The following AAMDC variants were observed in gnomAD, a reference collection of about 807,000 sequenced individuals.
AAMDC encodes the protein adipogenesis associated Mth938 domain containing.
A neutral mutation model predicts 15.5 loss-of-function variants in AAMDC; 16 were observed. The ratio of observed to expected loss-of-function variants is 1.03; its 90% CI spans 0.70 to 1.57. The LOEUF (loss-of-function observed/expected upper bound fraction) is 1.57, where lower values mean the gene tolerates loss of function less well. AAMDC is among the 40% of genes most tolerant of loss of function. The probability of loss-of-function intolerance (pLI) is 0.00; values close to 1 mark genes in which losing one functional copy is unlikely to be tolerated. For missense variants in AAMDC, 141 were observed against 144.9 expected, an observed-to-expected ratio of 0.97 and a Z score of 0.14; for synonymous variants, 51 against 51.6, an observed-to-expected ratio of 0.99 and a Z score of 0.05.
downstream of AAMDC, among the ~76,000 whole-genome samples, chr11:77,873,777 T>C (rs1168727667): frequency 6.6e-6 from 1 of 152,212 alleles, no homozygotes; most frequent in African/African-American, 2.4e-5. Context: ...AAGCTGAGTC[T>C]TAAAAAATGG....
chr11:77,866,752 AT>A (rs1157615115), intron 2 of AAMDC: 3 of 152,212 alleles, frequency 2.0e-5, no homozygotes, highest in Admixed American at 6.5e-5. Flanking sequence ...ATTAAAAAAA[AT>A]AAAACTGCAC....
Position 77,868,132 on chromosome 11 carries a change from T to C in AAMDC, c.133-1590T>C, listed in dbSNP as rs113402217. 1.8e-3 allele frequency among the ~76,000 whole-genome samples: 266 copies of C among 149,544 alleles called. 2 individuals are homozygous for C. Among genetic ancestry groups the C allele is most frequent in the Middle Eastern group, 6.9e-3 (2 of 290 alleles). ...GTGCAGTGGCACAATCTTGGCTCAC[T>C]GCAAGCTCTGCCTCCCAGGTTCACG... On this transcript the variant is annotated intron_variant, in intron 2 of 3. Coordinates refer to ENST00000393427, the MANE Select transcript of AAMDC (RefSeq NM_024684.4).
chr11:77,850,016 A>C (rs1343793969), intron 2 of AAMDC, among the ~76,000 whole-genome samples: 1 of 152,242 alleles, frequency 6.6e-6, no homozygotes, highest in Non-Finnish European at 1.5e-5. Flanking sequence ...GGTTAGCAAG[A>C]ACTATGCATT....
chr11:77,836,383 G>A (rs1319379942), intron 1 of AAMDC, among the ~76,000 whole-genome samples: 1 of 152,034 alleles, frequency 6.6e-6, no homozygotes, highest in Non-Finnish European at 1.5e-5. Flanking sequence ...AAGAGAAAGA[G>A]ATAGCAGGTG....
At chr11:77,899,385 A>T (rs1413039346) in intron 5 of AAMDC, among the ~76,000 whole-genome samples, 1 of 152,106 alleles carries the variant, frequency 6.6e-6, no homozygotes, top group Non-Finnish European at 1.5e-5. Context: ...CAAATGAAAA[A>T]TATAGGCTGG....
intron 1 of AAMDC, 44 bp downstream of exon 1, chr11:77,821,285 G>T: frequency 5.0e-6 from 1 of 201,974 alleles, no homozygotes; most frequent in East Asian, 1.2e-4. Flanking sequence ...CGAGATGGTG[G>T]AGAGGTTGAG....
At chr11:77,879,117 C>G in intron 5 of AAMDC, 1 of 1,614,120 alleles carries the variant, frequency 6.2e-7, no homozygotes, top group South Asian at 1.1e-5. Context: ...TCACTTCCAC[C>G]TGGCATGCCT....
At chr11:77,860,131 C>T (rs1950813406) in intron 2 of AAMDC, among the ~76,000 whole-genome samples, 3 of 152,196 alleles carry the variant, frequency 2.0e-5, no homozygotes, top group Admixed American at 1.3e-4. Flanking sequence ...CCTGTTTTTT[C>T]TGTGATATAT....
chr11:77,894,496 T>A, intron 5 of AAMDC: 12 of 538,920 alleles, frequency 2.2e-5, no homozygotes. Context: ...AGACTCCTAA[T>A]GGACCTGGGG....
At chr11:77,830,013 C>G (rs1949349509) in intron 1 of AAMDC, 1 of 152,190 alleles carries the variant, frequency 6.6e-6, no homozygotes, top group South Asian at 2.1e-4. Context: ...CACCTGTAGT[C>G]CTAGCTGCTC....
chr11:77,823,231 A>AAAAAAAAAAAAG (rs1565193296), intron 1 of AAMDC, among the ~76,000 whole-genome samples: 1 of 150,936 alleles, frequency 6.6e-6, no homozygotes, highest in Non-Finnish European at 1.5e-5. Context: ...AAAAAAAAAA[A>AAAAAAAAAAAAG]AAAGAAATTA....
At chr11:77,863,363 G>A (rs1950966364) in intron 2 of AAMDC, among the ~76,000 whole-genome samples, 2 of 152,130 alleles carry the variant, frequency 1.3e-5, no homozygotes, top group Admixed American at 1.3e-4. Flanking sequence ...AGTGGTGGAC[G>A]GTGAGCGAAA....
chr11:77,876,042 G>A (rs1301948408), downstream of AAMDC, among the ~76,000 whole-genome samples: 1 of 152,142 alleles, frequency 6.6e-6, no homozygotes, highest in Non-Finnish European at 1.5e-5. Flanking sequence ...GGTCAGATCA[G>A]CTCATCACTT....
At chr11:77,826,470 T>G (rs1949178267) in intron 1 of AAMDC, among the ~76,000 whole-genome samples, 1 of 152,210 alleles carries the variant, frequency 6.6e-6, no homozygotes, top group South Asian at 2.1e-4. Flanking sequence ...GGGATAATCA[T>G]CGGCAGTTTG....
intron 5 of AAMDC, among the ~76,000 whole-genome samples, chr11:77,896,742 A>G (rs562170515): frequency 6.6e-6 from 1 of 151,956 alleles, no homozygotes; most frequent in Non-Finnish European, 1.5e-5. Context: ...GGAAAAATAG[A>G]TCCAGAAAAT....
At chr11:77,885,972 G>A (rs537219509) in intron 5 of AAMDC, among the ~76,000 whole-genome samples, 16 of 152,132 alleles carry the variant, frequency 1.1e-4, no homozygotes, top group Admixed American at 7.2e-4. Context: ...GGGCTGAGGC[G>A]GGAGGATTGC....
At position 77,877,761 on chromosome 11, in the gene AAMDC, T is replaced by A. The variant is rs1309712372; in HGVS notation, c.328+712T>A. The stretch of plus-strand genomic sequence containing the variant: ...TATCACACTTGCAATTTTTTTTTTT[T>A]AAACAGAGATGGGGTCTCGCTATGT... On this transcript the variant is annotated intron_variant, in intron 5 of 5. Coordinates refer to the AAMDC transcript ENST00000304716. Among the ~76,000 whole-genome samples, 6 of 152,014 alleles carry A rather than the reference T, an allele frequency of 3.9e-5. No individual in the cohort carries two copies. The South Asian group carries it at 8.3e-4, about 21-fold the overall frequency.
chr11:77,853,913 C>G (rs562173030), intron 2 of AAMDC, among the ~76,000 whole-genome samples: 1 of 151,960 alleles, frequency 6.6e-6, no homozygotes, highest in South Asian at 2.1e-4. Context: ...TGTACTCCAG[C>G]CTGAGTGACA....
intron 1 of AAMDC, among the ~76,000 whole-genome samples, chr11:77,822,070 A>G (rs890840212): frequency 6.6e-6 from 1 of 152,164 alleles, no homozygotes; most frequent in African/African-American, 2.4e-5. Flanking sequence ...GAATTCCGCT[A>G]TATTTATTTA....
Sources: gnomAD v4.1 joint callset for allele counts (sites outside exome capture counted in the v4.1 genomes callset) on GRCh38, gnomAD v4.1.1 for gene constraint, MANE v1.5 for transcripts, NCBI Gene and HGNC (gene_info 2026-07-23, HGNC 2026-07-21) for gene names.